Variants in HPSE2 observed in about 807,000 individuals in gnomAD.
HPSE2 encodes heparanase 2 (inactive).
HPSE2 carries 38 observed loss-of-function variants against 60.5 expected under a neutral mutation model. The ratio of observed to expected loss-of-function variants is 0.63; its 90% confidence interval spans 0.48 to 0.82. The LOEUF is 0.82. Ranked by LOEUF, HPSE2 falls within the 40% of genes least tolerant of loss-of-function variation. The pLI, the probability that HPSE2 is intolerant of heterozygous loss-of-function variation, is 0.00. For synonymous variants in HPSE2, 295 were observed against 293.2 expected (o/e 1.01, Z -0.06); for missense variants, 713 against 740.4 (o/e 0.96, Z 0.43).
chr10:98,935,725 C>G (rs1954769480), intron 3 of HPSE2, among the ~76,000 whole-genome samples: 1 of 144,444 alleles, frequency 6.9e-6, no homozygotes, highest in Admixed American at 6.9e-5. Flanking sequence ...CATCTGCCAA[C>G]CACTGTTGGG....
intron 4 of HPSE2, among the ~76,000 whole-genome samples, chr10:98,729,012 CAAAAG>C (rs371166035): frequency 0.01 from 1,573 of 150,846 alleles, 14 homozygotes; most frequent in South Asian, 0.03. Context: ...TTGTATGAAA[CAAAAG>C]AAAAGAAAAG....
At chr10:98,636,155 T>A (rs1247905653) in intron 7 of HPSE2, among the ~76,000 whole-genome samples, 1 of 152,220 alleles carries the variant, frequency 6.6e-6, no homozygotes, top group Non-Finnish European at 1.5e-5. Flanking sequence ...TTGTACAATT[T>A]CTAATGGCTA....
chr10:99,100,077 C>G (rs150070490), intron 3 of HPSE2, among the ~76,000 whole-genome samples: 1,661 of 152,260 alleles, frequency 0.011, 33 homozygotes, highest in African/African-American at 0.037. Context: ...TTCTAAAAAT[C>G]AGAGCACCTC....
At chr10:98,658,157 CGAT>C (rs1332652974) in intron 6 of HPSE2, among the ~76,000 whole-genome samples, 2 of 152,090 alleles carry the variant, frequency 1.3e-5, no homozygotes, top group East Asian at 3.9e-4. Flanking sequence ...CTAAACGATA[CGAT>C]GAAGGACTAT....
chr10:99,114,758 C>CA (rs1844606090), intron 3 of HPSE2, among the ~76,000 whole-genome samples: 3 of 151,606 alleles, frequency 2.0e-5, no homozygotes, highest in African/African-American at 4.8e-5. Flanking sequence ...ACTAAAAATA[C>CA]AAAAAATTGG....
At chr10:99,106,588 TAGTA>T (rs1844258196) in intron 3 of HPSE2, among the ~76,000 whole-genome samples, 1 of 151,656 alleles carries the variant, frequency 6.6e-6, no homozygotes, top group Non-Finnish European at 1.5e-5. Flanking sequence ...TTGACTTTGT[TAGTA>T]AGTTATTAAA....
chr10:99,276,293 A>C, the HPSE2 span, among the ~76,000 whole-genome samples: 1 of 152,186 alleles, frequency 6.6e-6, no homozygotes, highest in South Asian at 2.1e-4. Flanking sequence ...TTTACACTAC[A>C]ACCCAATAAT....
At position 99,071,097 on chromosome 10, in the gene HPSE2, C is replaced by T. The variant is rs1296709271; in HGVS notation, c.610+73141G>A. Among the ~76,000 whole-genome samples the T allele has an allele frequency of 2.9e-5, 4 of 135,972 alleles. No homozygotes were observed. The South Asian group carries it at 9.1e-4, about 31-fold the overall frequency. 89.2% of individuals were successfully genotyped at this position (135,972 alleles called of 152,430 possible). On this transcript the variant is annotated intron_variant, in intron 3 of 11. Coordinates refer to ENST00000370552, the MANE Select transcript of HPSE2 (RefSeq NM_021828.5). Reference sequence around the variant, plus strand: ...TTTTTTTTTTTTTTTGAGATGGAGTCTCACTCTTGTCACCCAGGCTGAAGT... The same window carrying T: ...TTTTTTTTTTTTTTTGAGATGGAGTTTCACTCTTGTCACCCAGGCTGAAGT...
At position 99,094,515 on chromosome 10, in the gene HPSE2, CATATAT is replaced by C. The variant is rs1196185515; in HGVS notation, c.610+49717_610+49722del. The stretch of plus-strand genomic sequence containing the variant: ...CAGTTATTCTCTCTTTTTTATCATT[CATATAT>C]ATATATATATATATATATATTTTTT... On this transcript the variant is annotated intron_variant, in intron 3 of 11. Transcript: ENST00000370552. 1.8e-3 allele frequency among the ~76,000 whole-genome samples: 47 copies of C among 25,884 alleles called. 1 individual carries two copies. The highest frequency in any genetic ancestry group is 5.1e-3 in the East Asian group (3 of 594). The allele number at this position is 25,884 out of a possible 152,430, so 17.0% of individuals were successfully genotyped here. A position where few individuals can be genotyped will look rare whatever the true frequency, so the allele number is the denominator to read the frequency against.
intron 3 of HPSE2, among the ~76,000 whole-genome samples, chr10:98,752,518 G>A (rs892818018): frequency 9.9e-5 from 15 of 152,200 alleles, no homozygotes; most frequent in Middle Eastern, 3.4e-3. Context: ...TCAGTATCTG[G>A]ATACTTTCTA....
chr10:99,066,104 G>A (rs866513920), intron 3 of HPSE2, among the ~76,000 whole-genome samples: 4 of 152,072 alleles, frequency 2.6e-5, no homozygotes, highest in Admixed American at 6.6e-5. Context: ...CAGTGTATAT[G>A]CCCCTAAAGA....
Position 98,600,923 on chromosome 10 carries a change from A to AT in HPSE2, c.1320+13980dup, listed in dbSNP as rs1565003058. On this transcript the variant is annotated intron_variant, in intron 9 of 11. Coordinates refer to ENST00000370552, the MANE Select transcript of HPSE2 (RefSeq NM_021828.5). ...TATATGTGTGTGTGTATATATATAT[A>AT]TATATATATATATATATAGAAAGAG... Among the ~76,000 whole-genome samples the AT allele has an allele frequency of 1.5e-3, 60 of 39,066 alleles. 1 individual carries two copies. Among genetic ancestry groups the AT allele is most frequent in the Admixed American group, 9.4e-4 (2 of 2,130 alleles). 25.6% of individuals were successfully genotyped at this position (39,066 alleles called of 152,430 possible).
chr10:99,311,804 G>T, the HPSE2 span, among the ~76,000 whole-genome samples: 2 of 152,268 alleles, frequency 1.3e-5, no homozygotes, highest in East Asian at 3.9e-4. Context: ...GCTGAGATAG[G>T]CCGAAAGCTA....
intron 2 of HPSE2, among the ~76,000 whole-genome samples, chr10:99,173,994 T>C (rs917998444): frequency 9.5e-5 from 14 of 147,306 alleles, no homozygotes; most frequent in Non-Finnish European, 2.1e-4. Context: ...ATAACCACAA[T>C]TACAATATTA....
chr10:98,503,779 G>A (rs1221500140), intron 9 of HPSE2, among the ~76,000 whole-genome samples: 2 of 152,162 alleles, frequency 1.3e-5, no homozygotes, highest in Middle Eastern at 3.2e-3. Flanking sequence ...AACCAAACAT[G>A]TTCTCACTGA....
intron 3 of HPSE2, among the ~76,000 whole-genome samples, chr10:98,791,151 T>C (rs1950646929): frequency 6.6e-6 from 1 of 152,250 alleles, no homozygotes. Context: ...TTTCATGTTA[T>C]ATCATTTTCC....
chr10:98,902,631 C>A (rs773164144), intron 3 of HPSE2, among the ~76,000 whole-genome samples: 7 of 152,088 alleles, frequency 4.6e-5, no homozygotes, highest in Non-Finnish European at 1.0e-4. Context: ...TAACTTAAAA[C>A]CCTATAAGCT....
At position 98,459,657 on chromosome 10, in the gene HPSE2, C is replaced by G. The variant is rs577966759; in HGVS notation, c.1696G>C (p.Gly566Arg). ...PELKPRPLRAGRTLVIPPVTM... is the reference protein window; with the variant it reads ...PELKPRPLRARRTLVIPPVTM... ...ACTGGAGGGATGACCAATGTCCGGC[C>G]GGCCCGAAGGGGGCGGGGCTTCAAT... The change falls in exon 12 of 12, where the codon GGC (glycine) becomes CGC (arginine). Residue 566 changes from glycine to arginine, a missense_variant. Transcript: ENST00000370552. 4 of 1,614,140 alleles carry G rather than the reference C, an allele frequency of 2.5e-6. No homozygotes were observed. Among genetic ancestry groups the G allele is most frequent in the Non-Finnish European group, 3.4e-6 (4 of 1,180,012 alleles).
intron 3 of HPSE2, among the ~76,000 whole-genome samples, chr10:99,074,789 T>C (rs982491982): frequency 2.0e-5 from 3 of 152,180 alleles, no homozygotes; most frequent in African/African-American, 7.2e-5. Context: ...GGTAGACTGA[T>C]ATATCTAAGA....
Sources: gnomAD v4.1 joint callset for allele counts (sites outside exome capture counted in the v4.1 genomes callset) on GRCh38, gnomAD v4.1.1 for gene constraint, MANE v1.5 for transcripts, NCBI Gene and HGNC (gene_info 2026-07-23, HGNC 2026-07-21) for gene names.